The following BTBD9 variants were observed in gnomAD, a reference collection of about 807,000 sequenced individuals.
BTBD9 encodes BTB domain containing 9, also known as BTB/POZ domain-containing protein 9.
Under a neutral mutation model 64.3 loss-of-function variants are expected in BTBD9, and 49 were observed. That is an observed-to-expected ratio of 0.76 (90% CI 0.61 to 0.97). The LOEUF (loss-of-function observed/expected upper bound fraction) is 0.97. Ranked by LOEUF, BTBD9 falls within the 50% of genes least tolerant of loss-of-function variation. The pLI is 0.00. For missense variants in BTBD9, 598 were observed against 762.1 expected, an observed-to-expected ratio of 0.78 and a Z score of 2.53; for synonymous variants, 260 against 274.7, an observed-to-expected ratio of 0.95 and a Z score of 0.53.
intron 6 of BTBD9, among the ~76,000 whole-genome samples, chr6:38,360,150 C>A (rs930539474): frequency 1.3e-5 from 2 of 152,104 alleles, no homozygotes; most frequent in Non-Finnish European, 2.9e-5. Flanking sequence ...GGGAAAGATA[C>A]CAGAAAGAGC....
chr6:38,449,842 G>A (rs1769439756), intron 6 of BTBD9, among the ~76,000 whole-genome samples: 2 of 152,234 alleles, frequency 1.3e-5, no homozygotes, highest in South Asian at 4.2e-4. Flanking sequence ...GAAAACAGAG[G>A]GGGAAAGCTC....
chr6:38,266,454 T>C (rs1764974495), intron 8 of BTBD9, among the ~76,000 whole-genome samples: 1 of 151,932 alleles, frequency 6.6e-6, no homozygotes, highest in Non-Finnish European at 1.5e-5. Flanking sequence ...GCACCTGTAA[T>C]CCCAGTTACT....
rs191626274 is a variant in BTBD9, at chr6:38,622,207, T to C, written c.-28+17593A>G. On this transcript the variant is annotated intron_variant, in intron 1 of 10. Coordinates refer to ENST00000481247, the MANE Select transcript of BTBD9 (RefSeq NM_001099272.2). ...ATCCCTCGGTCCGTTGTAAGGCCCC[T>C]CTGGGGCAACAAAGAATAGGGCACT... 4.5e-4 allele frequency among the ~76,000 whole-genome samples: 69 copies of C among 152,322 alleles called. 1 individual carries two copies. Among genetic ancestry groups the C allele is most frequent in the African/African-American group, 1.7e-3 (69 of 41,576 alleles).
At position 38,574,263 on chromosome 6, in the gene BTBD9, T is replaced by C. The variant is rs575382565; in HGVS notation, c.1154+3337A>G. On this transcript the variant is annotated intron_variant, in intron 6 of 10. Coordinates refer to ENST00000481247, the MANE Select transcript of BTBD9 (RefSeq NM_001099272.2). Reference sequence around the variant, plus strand: ...GATAACATCGACTATCTTGGTGAGGTGAATGCTGACTGAATTACATTTGAC... The same window carrying C: ...GATAACATCGACTATCTTGGTGAGGCGAATGCTGACTGAATTACATTTGAC... 1.7e-3 allele frequency among the ~76,000 whole-genome samples: 256 copies of C among 152,302 alleles called. 2 individuals are homozygous for C. Among genetic ancestry groups the C allele is most frequent in the Admixed American group, 3.6e-3 (55 of 15,298 alleles).
intron 6 of BTBD9, among the ~76,000 whole-genome samples, chr6:38,409,586 A>T (rs1767317497): frequency 6.6e-6 from 1 of 152,122 alleles, no homozygotes; most frequent in African/African-American, 2.4e-5. Flanking sequence ...GCACTTTGGG[A>T]GGCCGAGGTG....
chr6:38,560,119 A>G (rs1027375584), intron 6 of BTBD9, among the ~76,000 whole-genome samples: 1 of 152,216 alleles, frequency 6.6e-6, no homozygotes, highest in South Asian at 2.1e-4. Flanking sequence ...AGAAACTATC[A>G]ACAGAATAAA....
At chr6:38,355,228 T>C (rs1291001134) in intron 6 of BTBD9, among the ~76,000 whole-genome samples, 1 of 152,164 alleles carries the variant, frequency 6.6e-6, no homozygotes, top group African/African-American at 2.4e-5. Context: ...CTGCTTATAG[T>C]AGGGGCTGAG....
chr6:38,631,794 G>A (rs917189228), intron 1 of BTBD9, among the ~76,000 whole-genome samples: 1 of 152,176 alleles, frequency 6.6e-6, no homozygotes, highest in Non-Finnish European at 1.5e-5. Context: ...CAGCTACGCT[G>A]GTTCTGAATT....
chr6:38,586,834 A>G (rs1776553524), intron 4 of BTBD9, among the ~76,000 whole-genome samples: 1 of 152,114 alleles, frequency 6.6e-6, no homozygotes, highest in Non-Finnish European at 1.5e-5. Context: ...AGGCTGAGGC[A>G]GGTGGATCAC....
intron 6 of BTBD9, among the ~76,000 whole-genome samples, chr6:38,382,515 T>TGAA (rs2034747859): frequency 8.9e-6 from 1 of 111,884 alleles, no homozygotes; most frequent in Admixed American, 1.1e-4. Flanking sequence ...AGACCTTGTC[T>TGAA]CAAAAAAAAA....
At chr6:38,453,982 C>T (rs1476964731) in intron 6 of BTBD9, among the ~76,000 whole-genome samples, 1 of 152,156 alleles carries the variant, frequency 6.6e-6, no homozygotes, top group African/African-American at 2.4e-5. Context: ...ACAAAAGTGG[C>T]TCCTTTTTAT....
At chr6:38,581,406 A>G (rs1007325037) in intron 4 of BTBD9, among the ~76,000 whole-genome samples, 21 of 152,206 alleles carry the variant, frequency 1.4e-4, no homozygotes, top group Non-Finnish European at 2.4e-4. Context: ...TTTAAAAAAG[A>G]TATCTTTTTT....
At chr6:38,215,488 C>CT (rs1387509557) in intron 9 of BTBD9, among the ~76,000 whole-genome samples, 3 of 152,216 alleles carry the variant, frequency 2.0e-5, no homozygotes, top group Non-Finnish European at 2.9e-5. Context: ...TCAAGAGCTG[C>CT]TAATGAAGGC....
intron 6 of BTBD9, among the ~76,000 whole-genome samples, chr6:38,534,016 A>G (rs1257820448): frequency 6.6e-6 from 1 of 152,116 alleles, no homozygotes; most frequent in Non-Finnish European, 1.5e-5. Flanking sequence ...GTAAAAGAAA[A>G]TAAATAAAAA....
At chr6:38,215,253 T>C (rs1403617173) in intron 9 of BTBD9, among the ~76,000 whole-genome samples, 1 of 152,204 alleles carries the variant, frequency 6.6e-6, no homozygotes, top group Admixed American at 6.5e-5. Context: ...GCAATTCACC[T>C]TTTCCATGAT....
chr6:38,434,993 G>A (rs1181755403), intron 6 of BTBD9, among the ~76,000 whole-genome samples: 2 of 151,744 alleles, frequency 1.3e-5, no homozygotes, highest in Admixed American at 6.6e-5. Flanking sequence ...TCGGGAGTTC[G>A]AGACCAGCCT....
chr6:38,495,081 T>C (rs550909798), intron 6 of BTBD9, among the ~76,000 whole-genome samples: 1 of 152,336 alleles, frequency 6.6e-6, no homozygotes, highest in South Asian at 2.1e-4. Context: ...TTTAAGCATG[T>C]TTTAAAGAAT....
intron 6 of BTBD9, among the ~76,000 whole-genome samples, chr6:38,540,660 AC>A (rs1774230476): frequency 6.6e-6 from 1 of 152,152 alleles, no homozygotes; most frequent in African/African-American, 2.4e-5. Context: ...TATGTCTTAT[AC>A]CTGAAGGTCA....
intron 7 of BTBD9, among the ~76,000 whole-genome samples, chr6:38,323,230 T>G (rs1041400434): frequency 6.6e-6 from 1 of 152,240 alleles, no homozygotes; most frequent in African/African-American, 2.4e-5. Context: ...TCCCATCACC[T>G]GCCAAATTTA....
Sources: gnomAD v4.1 joint callset for allele counts (sites outside exome capture counted in the v4.1 genomes callset) on GRCh38, gnomAD v4.1.1 for gene constraint, MANE v1.5 for transcripts, NCBI Gene and HGNC (gene_info 2026-07-23, HGNC 2026-07-21) for gene names.